The following IFT140 variants were observed in gnomAD, a reference collection of about 807,000 sequenced individuals.
IFT140 encodes intraflagellar transport protein 140 homolog.
In IFT140, 133 loss-of-function variants were observed where a neutral mutation model predicts 164.6. That is an observed-to-expected ratio of 0.81 (90% confidence interval 0.70 to 0.93). IFT140 has a LOEUF of 0.93. Among genes scored for constraint, IFT140 ranks in the 40% least tolerant of loss-of-function variants. The probability of loss-of-function intolerance (pLI) is 0.00; values close to 1 mark genes in which losing one functional copy is unlikely to be tolerated. For synonymous variants in IFT140, 860 were observed against 817.3 expected, an observed-to-expected ratio of 1.05 and a Z score of -0.89; for missense variants, 2,045 against 1,972.3, an observed-to-expected ratio of 1.04 and a Z score of -0.70.
intron 4 of IFT140, among the ~76,000 whole-genome samples, chr16:1,598,095 T>C (rs2035552818): frequency 6.6e-6 from 1 of 151,430 alleles, no homozygotes; most frequent in South Asian, 2.1e-4. Context: ...AACAGAAAAA[T>C]GGAAGAAAAA....
At chr16:1,581,380 A>G (rs1256898914) in intron 12 of IFT140, among the ~76,000 whole-genome samples, 1 of 152,106 alleles carries the variant, frequency 6.6e-6, no homozygotes, top group Non-Finnish European at 1.5e-5. Context: ...CAGGTGGATC[A>G]CATGAGGTCA....
intron 12 of IFT140, among the ~76,000 whole-genome samples, chr16:1,582,054 G>A (rs529791030): frequency 1.5e-4 from 23 of 152,210 alleles, no homozygotes; most frequent in African/African-American, 4.3e-4. Context: ...GTGGGCAGGC[G>A]GCTGAGGGGC....
At chr16:1,526,283 T>C in intron 20 of IFT140, 1 of 602,930 alleles carries the variant, frequency 1.7e-6, no homozygotes, top group South Asian at 2.0e-5. Flanking sequence ...CACCAAGGGG[T>C]ACCCCACCTC....
intron 10 of IFT140, 23 bp from the exon 11 acceptor site, chr16:1,584,443 A>G (rs1438870038): frequency 6.4e-7 from 1 of 1,573,190 alleles, no homozygotes; most frequent in Non-Finnish European, 8.6e-7. Flanking sequence ...GTTGCAAGAG[A>G]AAGAACCAGA....
intron 19 of IFT140, among the ~76,000 whole-genome samples, chr16:1,529,593 G>A (rs2030220748): frequency 6.6e-6 from 1 of 152,218 alleles, no homozygotes; most frequent in African/African-American, 2.4e-5. Flanking sequence ...CTGAGCACCC[G>A]GCCCACCAGC....
intron 12 of IFT140, among the ~76,000 whole-genome samples, chr16:1,581,723 G>A (rs568229255): frequency 1.6e-4 from 21 of 133,912 alleles, no homozygotes; most frequent in African/African-American, 3.9e-4. Flanking sequence ...ACAGAGGAGA[G>A]GGGAGGGGAG....
rs574183040 is a variant in IFT140 at position 1,544,658 on chromosome 16, T to C, written c.2399+13277A>G. Among the ~76,000 whole-genome samples the C allele has an allele frequency of 2.0e-4, 31 of 152,064 alleles. No homozygotes were observed. The South Asian group carries it at 6.0e-3, about 30-fold the overall frequency. ...TCACTGCATTTCTTTTTCTTTTTTT[T>C]CTTTTTTTGAGATGGAGTCTCGCCC... On this transcript the variant is annotated intron_variant, in intron 19 of 30. Transcript: ENST00000426508.
intron 19 of IFT140, among the ~76,000 whole-genome samples, chr16:1,545,853 G>A (rs972956164): frequency 6.6e-5 from 10 of 152,208 alleles, no homozygotes; most frequent in African/African-American, 1.9e-4. Flanking sequence ...TGCTCAGCAC[G>A]ACGTCTGGGT....
Position 1,589,720 on chromosome 16 carries a change from G to C in IFT140, c.695C>G (p.Thr232Arg). The C allele has an allele frequency of 1.2e-6, 2 of 1,614,104 alleles. No homozygotes were observed. Among genetic ancestry groups the C allele is most frequent in the Non-Finnish European group, 1.7e-6 (2 of 1,179,982 alleles). ...CTCCATGTAGAACAGCATCTGAATC[G>C]TGCTGTCTGCGGACACCACCTGAGT... ...KTTQVVSADS[T>R]IQMLFYMEKR... The change falls in exon 7 of 31, where the codon ACG (threonine) becomes AGG (arginine). Residue 232 changes from threonine (T) to arginine (R), a missense_variant. Physicochemically the swap from Thr to Arg is moderately conservative, Grantham distance 71. Coordinates refer to ENST00000426508, the MANE Select transcript of IFT140 (RefSeq NM_014714.4).
chr16:1,535,712 G>C (rs1020803183), intron 19 of IFT140, among the ~76,000 whole-genome samples: 1 of 152,208 alleles, frequency 6.6e-6, no homozygotes, highest in Non-Finnish European at 1.5e-5. Context: ...GCTTGGACAA[G>C]GTCCCACGAG....
At chr16:1,518,578 A>T (rs375828935) in intron 29 of IFT140, among the ~76,000 whole-genome samples, 2 of 151,964 alleles carry the variant, frequency 1.3e-5, no homozygotes, top group East Asian at 3.9e-4. Context: ...CTATGCTTGG[A>T]CTGAAGACCA....
intron 19 of IFT140, among the ~76,000 whole-genome samples, chr16:1,537,908 G>A (rs893637711): frequency 2.0e-5 from 3 of 152,208 alleles, no homozygotes; most frequent in African/African-American, 7.2e-5. Flanking sequence ...GTAAGACCCT[G>A]CCTGAATACA....
intron 13 of IFT140, chr16:1,577,927 G>C (rs944005499): frequency 3.3e-5 from 5 of 152,070 alleles, no homozygotes; most frequent in African/African-American, 1.2e-4. Context: ...AGGAGTCAGA[G>C]AGGCATAGGT....
intron 19 of IFT140, among the ~76,000 whole-genome samples, chr16:1,540,380 C>T (rs2031518539): frequency 6.6e-6 from 1 of 152,246 alleles, no homozygotes; most frequent in Non-Finnish European, 1.5e-5. Flanking sequence ...AGCCCGCATC[C>T]CCCACCACCC....
At chr16:1,560,575 G>A (rs905624520) in intron 18 of IFT140, among the ~76,000 whole-genome samples, 2 of 150,796 alleles carry the variant, frequency 1.3e-5, no homozygotes, top group Non-Finnish European at 3.0e-5. Context: ...CGGTGCGCCC[G>A]CGGTCCACCG....
intron 4 of IFT140, among the ~76,000 whole-genome samples, chr16:1,597,415 C>G (rs2035520595): frequency 6.6e-6 from 1 of 152,182 alleles, no homozygotes; most frequent in Non-Finnish European, 1.5e-5. Context: ...AGCAGGCCGT[C>G]CTAACCTGGC....
intron 30 of IFT140, 127 bp downstream of exon 30, chr16:1,518,089 C>T (rs1470469091): frequency 2.3e-6 from 2 of 888,856 alleles, no homozygotes; most frequent in Non-Finnish European, 3.4e-6. Flanking sequence ...TCTCCTGCCT[C>T]AGCCTCCCAA....
At position 1,551,767 on chromosome 16, in the gene IFT140, G is replaced by T. The variant is rs2032658663; in HGVS notation, c.2399+6168C>A. ...ATACAAAGGAGGCCACACCACACGT[G>T]CGTGGTCCGGCAGATCCGGCAAGAT... On this transcript the variant is annotated intron_variant, in intron 19 of 30. Coordinates refer to ENST00000426508, the MANE Select transcript of IFT140 (RefSeq NM_014714.4). This position sits in a 1 kb window ranked among gnomAD's most constrained non-coding sequence, Gnocchi z 4.0. Among the ~76,000 whole-genome samples, 1 of 152,202 alleles carries T rather than the reference G, an allele frequency of 6.6e-6. No homozygotes were observed. Among genetic ancestry groups the T allele is most frequent in the African/African-American group, 2.4e-5 (1 of 41,448 alleles).
rs776013955 is a variant in IFT140 at position 1,558,111 on chromosome 16, G to A, written c.2223C>T (p.Asp741=). The A allele has an allele frequency of 3.7e-6, 6 of 1,614,118 alleles. No individual in the cohort carries two copies. Among genetic ancestry groups the A allele is most frequent in the East Asian group, 2.2e-5 (1 of 44,874 alleles). The change falls in exon 19 of 31, where the codon GAC becomes GAT. Residue 741 remains aspartate, a synonymous_variant. Transcript: ENST00000426508. ...TGTGGTGGCACCCAGGCTCCACCTC[G>A]TCTTCTCTGTCTGCTTCTTCGGGCT... The part of the protein sequence containing the change: ...TRKPEEADRE[D]EVEPGCHHIP...
Sources: gnomAD v4.1 joint callset for allele counts (sites outside exome capture counted in the v4.1 genomes callset) on GRCh38, gnomAD v4.1.1 for gene constraint, Gnocchi (gnomAD v3.1) non-coding constraint, MANE v1.5 for transcripts, NCBI Gene and HGNC (gene_info 2026-07-23, HGNC 2026-07-21) for gene names.